Variants in GLRA1 observed in about 807,000 individuals in gnomAD.
The protein encoded by GLRA1 is glycine receptor alpha 1.
GLRA1 carries 37 observed loss-of-function variants against 48.3 expected under a neutral mutation model. The observed-to-expected ratio is 0.77, with a 90% confidence interval of 0.59 to 1.01. The LOEUF (loss-of-function observed/expected upper bound fraction) is 1.01, where lower values mean the gene tolerates loss of function less well. Among genes scored for constraint, GLRA1 ranks in the 50% least tolerant of loss-of-function variants. The pLI, the probability that GLRA1 is intolerant of heterozygous loss-of-function variation, is 0.00. For missense variants in GLRA1, 427 were observed against 571.0 expected (o/e 0.75, Z 2.57); for synonymous variants, 196 against 210.7 (o/e 0.93, Z 0.60).
At chr5:151,891,945 C>T (rs1754087315) in intron 2 of GLRA1, among the ~76,000 whole-genome samples, 1 of 152,102 alleles carries the variant, frequency 6.6e-6, no homozygotes, top group African/African-American at 2.4e-5. Flanking sequence ...GAAACAGAGG[C>T]CCAAAGAAAG....
Position 151,828,959 on chromosome 5 carries a change from CCTT to C in GLRA1, c.1018_1020del (p.Lys340del), listed in dbSNP as rs748216046. ...CGCTTCCTCCTGAATCGGAGCAGCT[CCTT>C]ATGTTGCCGAGACACAAAGTTAACG... On this transcript the variant is annotated inframe_deletion, in exon 8 of 9. Transcript: ENST00000274576. The C allele has an allele frequency of 4.3e-6, 7 of 1,614,114 alleles. No individual in the cohort carries two copies. In the South Asian group the frequency reaches 7.7e-5, roughly 18 times the overall value.
At chr5:151,855,242 T>C (rs1753009517) in intron 5 of GLRA1, 65 bp from the exon 6 acceptor site, 1 of 1,527,254 alleles carries the variant, frequency 6.5e-7, no homozygotes, top group South Asian at 1.1e-5. Flanking sequence ...CATGTCAGGA[T>C]TGGTTAGGGT....
chr5:151,823,362 G>A (rs1336967622), intron 8 of GLRA1, among the ~76,000 whole-genome samples: 8 of 152,180 alleles, frequency 5.3e-5, no homozygotes, highest in Admixed American at 5.2e-4. Context: ...GACCATCAGA[G>A]GTTATAATTG....
chr5:151,842,208 T>G (rs1015302648), intron 7 of GLRA1, among the ~76,000 whole-genome samples: 13 of 152,164 alleles, frequency 8.5e-5, no homozygotes, highest in Non-Finnish European at 2.9e-5. Flanking sequence ...ACACAAATCC[T>G]TCTTATACTC....
chr5:151,887,049 G>A (rs1753926356), intron 2 of GLRA1, among the ~76,000 whole-genome samples: 1 of 152,182 alleles, frequency 6.6e-6, no homozygotes, highest in South Asian at 2.1e-4. Context: ...AACACAGGAT[G>A]ATTCATCAGC....
intron 8 of GLRA1, among the ~76,000 whole-genome samples, chr5:151,824,752 T>A (rs2964610): frequency 0.41 from 62,035 of 151,876 alleles, 12,768 homozygotes; most frequent in South Asian, 0.46. Flanking sequence ...TTTTTAAAGC[T>A]CTTATCACAT....
rs752997420 is a variant in GLRA1 at position 151,843,712 on chromosome 5, C to CA, written c.912+7677dup. Among the ~76,000 whole-genome samples, 101 of 152,134 alleles carry CA rather than the reference C, an allele frequency of 6.6e-4. 1 individual carries two copies. Among genetic ancestry groups the CA allele is most frequent in the Non-Finnish European group, 1.2e-3 (79 of 68,022 alleles). Reference sequence around the variant, plus strand: ...AGTAATCAAAACGGTGTGGTACTGACAAAAGGATCAACACATAGATCAATG... The same window carrying CA: ...AGTAATCAAAACGGTGTGGTACTGACAAAAAGGATCAACACATAGATCAATG... On this transcript the variant is annotated intron_variant, in intron 7 of 8. Coordinates refer to ENST00000274576, the MANE Select transcript of GLRA1 (RefSeq NM_000171.4).
intron 7 of GLRA1, chr5:151,849,856 G>A: frequency 1.4e-6 from 2 of 1,400,552 alleles, no homozygotes; most frequent in Non-Finnish European, 1.9e-6. Flanking sequence ...GCCTAGCCTA[G>A]AATTTTGATG....
At chr5:151,915,366 G>T (rs1005582951) in intron 1 of GLRA1, among the ~76,000 whole-genome samples, 1 of 152,144 alleles carries the variant, frequency 6.6e-6, no homozygotes, top group African/African-American at 2.4e-5. Flanking sequence ...CTGTACCCCA[G>T]CAGTTTCATT....
rs559224995 is a variant in GLRA1, at chr5:151,908,210, A to G, written c.57-15772T>C. 5.3e-5 allele frequency among the ~76,000 whole-genome samples: 8 copies of G among 152,346 alleles called. No individual in the cohort carries two copies. In the South Asian group the frequency reaches 1.5e-3, roughly 28 times the overall value. On this transcript the variant is annotated intron_variant, in intron 1 of 8. Transcript: ENST00000274576. The stretch of plus-strand genomic sequence containing the variant: ...AACATCAGCCATGGGTCCCACCAGC[A>G]GGAAACATGGAGTTAGTTGCATGAA...
chr5:151,829,124 A>C (rs1763356975), intron 7 of GLRA1, 57 bp from the exon 8 acceptor site: 1 of 1,546,220 alleles, frequency 6.5e-7, no homozygotes, highest in Admixed American at 1.7e-5. Context: ...GTAAAACATT[A>C]AGCATGGCGG....
At chr5:151,840,235 A>G (rs987377364) in intron 7 of GLRA1, among the ~76,000 whole-genome samples, 4 of 152,100 alleles carry the variant, frequency 2.6e-5, no homozygotes, top group African/African-American at 9.7e-5. Context: ...CTAGGACTAC[A>G]GCTGTATGCC....
intron 1 of GLRA1, among the ~76,000 whole-genome samples, chr5:151,916,175 A>G (rs1581666571): frequency 1.3e-5 from 2 of 152,320 alleles, no homozygotes; most frequent in South Asian, 4.1e-4. Flanking sequence ...GCTGTTACCA[A>G]AAGGCAAATC....
rs972319357 is a variant in GLRA1, at chr5:151,882,578, A to C, written c.252+4143T>G. Among the ~76,000 whole-genome samples, 3 of 152,192 alleles carry C rather than the reference A, an allele frequency of 2.0e-5. No homozygotes were observed. The East Asian group carries it at 5.8e-4, about 29-fold the overall frequency. On this transcript the variant is annotated intron_variant, in intron 3 of 8. Transcript: ENST00000274576. Reference sequence around the variant, plus strand: ...GGGAAAAGAAGCTGAAGGGAGGGGAATCTTTGAGCACTGCAGAGAGCATCA... The same window carrying C: ...GGGAAAAGAAGCTGAAGGGAGGGGACTCTTTGAGCACTGCAGAGAGCATCA...
At chr5:151,837,104 C>G (rs1045796072) in intron 7 of GLRA1, among the ~76,000 whole-genome samples, 1 of 152,156 alleles carries the variant, frequency 6.6e-6, no homozygotes, top group African/African-American at 2.4e-5. Flanking sequence ...CTATAAAGAA[C>G]TTAAACAAAT....
intron 1 of GLRA1, among the ~76,000 whole-genome samples, chr5:151,893,181 C>A (rs1015352365): frequency 1.3e-5 from 2 of 152,058 alleles, no homozygotes; most frequent in African/African-American, 4.8e-5. Flanking sequence ...TTCTGTCACC[C>A]CTCTCCCACC....
chr5:151,879,727 G>C (rs1156705694), intron 3 of GLRA1, among the ~76,000 whole-genome samples: 1 of 152,116 alleles, frequency 6.6e-6, no homozygotes, highest in Non-Finnish European at 1.5e-5. Flanking sequence ...TTGGACTGTG[G>C]ACTTTTGAAT....
intron 1 of GLRA1, among the ~76,000 whole-genome samples, chr5:151,908,676 A>G (rs534469044): frequency 6.0e-5 from 9 of 150,830 alleles, no homozygotes; most frequent in African/African-American, 2.2e-4. Flanking sequence ...TAAATTGTTC[A>G]TTTTATTTCT....
chr5:151,829,072 A>G lies in GLRA1; in HGVS notation c.913-5T>C. 6.2e-7 allele frequency: 1 copy of G among 1,613,714 alleles called. No individual in the cohort carries two copies. The highest frequency in any genetic ancestry group is 8.5e-7 in the Non-Finnish European group (1 of 1,179,840). ...AATGGCTTTCACATAGGACACCTAG[A>G]GTGGGGGTGGAGGAGAAACAGGGAG... On this transcript the variant is annotated splice_polypyrimidine_tract_variant and splice_region_variant and intron_variant, in intron 7 of 8. Coordinates refer to ENST00000274576, the MANE Select transcript of GLRA1 (RefSeq NM_000171.4).
Sources: gnomAD v4.1 joint callset for allele counts (sites outside exome capture counted in the v4.1 genomes callset) on GRCh38, gnomAD v4.1.1 for gene constraint, MANE v1.5 for transcripts, NCBI Gene and HGNC (gene_info 2026-07-23, HGNC 2026-07-21) for gene names.